ACACA: variants seen among roughly 807,000 people sequenced by gnomAD.
ACACA encodes acetyl-CoA carboxylase 1.
ACACA carries 103 observed loss-of-function variants against 296.1 expected under a neutral mutation model. The ratio of observed to expected loss-of-function variants is 0.35; its 90% CI spans 0.30 to 0.41. ACACA has a LOEUF of 0.41. Among genes scored for constraint, ACACA ranks in the 10% least tolerant of loss-of-function variants. ACACA has a pLI of 1.00. For synonymous variants in ACACA, 953 were observed against 1,038.6 expected (o/e 0.92, Z 1.58); for missense variants, 1,554 against 2,989.7 (o/e 0.52, Z 11.20).
chr17:37,088,794 G>C, intron 55 of ACACA, 144 bp downstream of exon 55: 1 of 1,123,222 alleles, frequency 8.9e-7, no homozygotes, highest in Non-Finnish European at 1.4e-6. Flanking sequence ...ATCTGTACCT[G>C]TGGGTCAACT....
chr17:37,404,894 C>T (rs942515670), intron 1 of ACACA, among the ~76,000 whole-genome samples: 2 of 152,092 alleles, frequency 1.3e-5, no homozygotes, highest in African/African-American at 4.8e-5. Context: ...GATCCTTTTA[C>T]AGCAAAGCTA....
rs554259678 is a variant in ACACA at position 37,129,236 on chromosome 17, T to C, written c.5944+129A>G. ...TCTTCAGAGGGCTGGTTTTCAGGTC[T>C]TTCTCATTTCTAGGTACTTACCTCT... On this transcript the variant is annotated intron_variant, in intron 47 of 55. Coordinates refer to ENST00000616317, the MANE Select transcript of ACACA (RefSeq NM_198834.3). 122 of 1,311,450 alleles carry C rather than the reference T, an allele frequency of 9.3e-5. No individual in the cohort carries two copies. The African/African-American group carries it at 1.3e-3, about 14-fold the overall frequency. The allele number at this position is 1,311,450 out of a possible 1,614,324, so 81.2% of individuals were successfully genotyped here. A position where few individuals can be genotyped will look rare whatever the true frequency, so the allele number is the denominator to read the frequency against.
intron 1 of ACACA, chr17:37,376,163 C>T: frequency 6.2e-7 from 1 of 1,600,726 alleles, no homozygotes; most frequent in East Asian, 2.2e-5. Context: ...ATGTAATTCT[C>T]TAGCCTAATC....
intron 6 of ACACA, 25 bp from the exon 7 acceptor site, chr17:37,277,139 A>G: frequency 6.3e-7 from 1 of 1,597,674 alleles, no homozygotes; most frequent in Non-Finnish European, 8.6e-7. Context: ...AATATAATTC[A>G]TTCTTAAAAT....
intron 1 of ACACA, among the ~76,000 whole-genome samples, chr17:37,381,737 C>G (rs368554747): frequency 2.0e-5 from 3 of 150,796 alleles, no homozygotes; most frequent in Non-Finnish European, 4.4e-5. Context: ...ACGCCATTCT[C>G]CTGCCTCAGC....
intron 10 of ACACA, among the ~76,000 whole-genome samples, chr17:37,268,741 C>CTATCTATCTATATATATATATA (rs1219982787): frequency 2.1e-5 from 2 of 94,528 alleles, no homozygotes; most frequent in African/African-American, 8.0e-5. Context: ...ATCTATCTAT[C>CTATCTATCTATATATATATATA]TATATATATA....
At chr17:37,331,019 T>A (rs1168526371) in intron 2 of ACACA, among the ~76,000 whole-genome samples, 3 of 152,164 alleles carry the variant, frequency 2.0e-5, no homozygotes, top group Admixed American at 6.6e-5. Context: ...CAAGTGATCC[T>A]CCTACCTCAG....
In ACACA at chr17:37,113,442, C is replaced by A. The variant is rs1409469299; in HGVS notation, c.6275-177G>T. Among the ~76,000 whole-genome samples, 2 of 152,188 alleles carry A rather than the reference C, an allele frequency of 1.3e-5. No homozygotes were observed. The highest frequency in any genetic ancestry group is 2.9e-5 in the Non-Finnish European group (2 of 68,036). ...TATCCCATTCAAGACTCCAGAGGATCTTCAAAAGCACAAGACAGCAACAGA... is the reference window on the plus strand; with the variant it reads ...TATCCCATTCAAGACTCCAGAGGATATTCAAAAGCACAAGACAGCAACAGA... On this transcript the variant is annotated intron_variant, in intron 50 of 55. Coordinates refer to ENST00000616317, the MANE Select transcript of ACACA (RefSeq NM_198834.3). The surrounding 1 kb of genome is among the most constrained non-coding windows in gnomAD (Gnocchi z 4.0).
At chr17:37,108,934 T>G (rs2073839685) in intron 52 of ACACA, among the ~76,000 whole-genome samples, 1 of 152,220 alleles carries the variant, frequency 6.6e-6, no homozygotes, top group African/African-American at 2.4e-5. Context: ...GAAGAAATCC[T>G]GAGAAAAGGA....
At chr17:37,126,089 A>G (rs2074771335) in intron 47 of ACACA, among the ~76,000 whole-genome samples, 1 of 152,218 alleles carries the variant, frequency 6.6e-6, no homozygotes, top group African/African-American at 2.4e-5. Flanking sequence ...TAAATAAATA[A>G]CTTGACTTTC....
Position 37,283,352 on chromosome 17 carries a change from A to G in ACACA, c.525T>C (p.Arg175=), listed in dbSNP as rs751336405. ...TTCGAAACATTTCATAAGACCACCT[A>G]CGGATAGACCGCATGCATTTCACTG... The part of the protein sequence containing the change: ...IAAVKCMRSI[R]RWSYEMFRNE... Residue 175 remains arginine, a synonymous_variant, in exon 5 of 56, where the codon CGT becomes CGC. Transcript: ENST00000616317. 3 of 1,614,170 alleles carry G rather than the reference A, an allele frequency of 1.9e-6. No homozygotes were observed. The highest frequency in any genetic ancestry group is 2.5e-6 in the Non-Finnish European group (3 of 1,180,006).
intron 35 of ACACA, among the ~76,000 whole-genome samples, chr17:37,196,057 C>G (rs1004022195): frequency 6.6e-6 from 1 of 151,990 alleles, no homozygotes; most frequent in Non-Finnish European, 1.5e-5. Flanking sequence ...TCAAGACACC[C>G]CGCAAATCAG....
At chr17:37,319,004 T>C (rs952409590) in intron 3 of ACACA, among the ~76,000 whole-genome samples, 3 of 152,232 alleles carry the variant, frequency 2.0e-5, no homozygotes, top group Non-Finnish European at 2.9e-5. Flanking sequence ...TCTGTAACTA[T>C]AAAAAGTGTA....
intron 22 of ACACA, 58 bp from the exon 23 acceptor site, chr17:37,242,111 T>C: frequency 7.7e-7 from 1 of 1,292,450 alleles, no homozygotes; most frequent in Non-Finnish European, 1.1e-6. Flanking sequence ...CCCCAAAGCA[T>C]CAGCCTCTAT....
At chr17:37,377,937 G>A in intron 1 of ACACA, 1 of 1,613,678 alleles carries the variant, frequency 6.2e-7, no homozygotes, top group Non-Finnish European at 8.5e-7. Flanking sequence ...CAAAAGACGT[G>A]AGAAGCATCA....
chr17:37,343,457 A>G (rs1304978739), intron 1 of ACACA, among the ~76,000 whole-genome samples: 1 of 152,132 alleles, frequency 6.6e-6, no homozygotes, highest in African/African-American at 2.4e-5. Context: ...CTCAAGTCAT[A>G]GTAAGTTCAC....
chr17:37,263,547 T>C, intron 11 of ACACA, 138 bp downstream of exon 11: 1 of 775,342 alleles, frequency 1.3e-6, no homozygotes, highest in Non-Finnish European at 2.1e-6. Context: ...AGAATTTTTT[T>C]TCTCTAAGAA....
intron 3 of ACACA, among the ~76,000 whole-genome samples, chr17:37,323,978 C>T (rs940268706): frequency 6.6e-6 from 1 of 152,220 alleles, no homozygotes; most frequent in African/African-American, 2.4e-5. Context: ...CGCCTGTAAT[C>T]CCAGCACTTT....
At chr17:37,162,508 T>A (rs1281217205) in intron 41 of ACACA, 1 of 287,368 alleles carries the variant, frequency 3.5e-6, no homozygotes, top group Non-Finnish European at 6.7e-6. Flanking sequence ...ATGGGGTGGA[T>A]CCCTCATGAA....
Sources: allele counts gnomAD v4.1 joint callset (sites outside exome capture counted in the v4.1 genomes callset), GRCh38; gene constraint gnomAD v4.1.1; non-coding constraint Gnocchi (gnomAD v3.1); transcripts MANE v1.5; gene names NCBI Gene and HGNC (gene_info 2026-07-23, HGNC 2026-07-21).